Variants in SLIT3 observed in about 807,000 individuals in gnomAD.
The protein encoded by SLIT3 is slit guidance ligand 3.
SLIT3 carries 68 observed loss-of-function variants against 184.0 expected under a neutral mutation model. The ratio of observed to expected loss-of-function variants is 0.37; its 90% CI spans 0.30 to 0.45. The LOEUF (loss-of-function observed/expected upper bound fraction) is 0.45, where lower values mean the gene tolerates loss of function less well. SLIT3 is among the 20% of genes least tolerant of loss of function. The probability of loss-of-function intolerance (pLI) is 1.00; values close to 1 mark genes in which losing one functional copy is unlikely to be tolerated. For missense variants in SLIT3, 1,707 were observed against 2,026.0 expected (o/e 0.84, Z 3.02); for synonymous variants, 831 against 828.6 (o/e 1.00, Z -0.05).
chr5:169,135,970 C>G (rs1240046199), intron 4 of SLIT3, among the ~76,000 whole-genome samples: 1 of 152,226 alleles, frequency 6.6e-6, no homozygotes, highest in African/African-American at 2.4e-5. Flanking sequence ...GATCACTTCT[C>G]TATATCACGG....
chr5:168,946,161 G>C (rs527828451), intron 4 of SLIT3, among the ~76,000 whole-genome samples: 1 of 152,312 alleles, frequency 6.6e-6, no homozygotes, highest in East Asian at 1.9e-4. Context: ...ATTGGGACTT[G>C]TGTCTGTGCT....
At chr5:168,839,727 C>G (rs1369851450) in intron 6 of SLIT3, among the ~76,000 whole-genome samples, 1 of 152,122 alleles carries the variant, frequency 6.6e-6, no homozygotes, top group Non-Finnish European at 1.5e-5. Flanking sequence ...CTAAATAATA[C>G]CCAAAACTTA....
chr5:168,703,246 G>A (rs1212183624), intron 26 of SLIT3, among the ~76,000 whole-genome samples: 1 of 139,238 alleles, frequency 7.2e-6, no homozygotes, highest in Non-Finnish European at 1.5e-5. Flanking sequence ...GTGTGTGTGT[G>A]TGTGTGTGTG....
chr5:168,670,061 AC>A, intron 34 of SLIT3, 70 bp from the exon 35 acceptor site: 2 of 1,370,808 alleles, frequency 1.5e-6, no homozygotes, highest in East Asian at 2.3e-5. Context: ...CCCTCTGTCC[AC>A]CCAGCCAGGG....
intron 4 of SLIT3, among the ~76,000 whole-genome samples, chr5:169,139,811 C>A (rs1429409293): frequency 1.3e-5 from 2 of 152,196 alleles, no homozygotes; most frequent in Non-Finnish European, 2.9e-5. Flanking sequence ...CCCCTTCCAT[C>A]CCTGCCAAAA....
At chr5:169,284,780 TG>T (rs1767101394) in intron 1 of SLIT3, among the ~76,000 whole-genome samples, 1 of 152,244 alleles carries the variant, frequency 6.6e-6, no homozygotes, top group Non-Finnish European at 1.5e-5. Context: ...GTTAGAGCAT[TG>T]AATGTGTGTT....
intron 4 of SLIT3, among the ~76,000 whole-genome samples, chr5:169,072,037 A>C: frequency 6.6e-6 from 1 of 152,218 alleles, no homozygotes; most frequent in Non-Finnish European, 1.5e-5. Context: ...AAATAGCCAA[A>C]GCATCCTTTA....
intron 26 of SLIT3, among the ~76,000 whole-genome samples, chr5:168,703,908 G>A (rs1762295245): frequency 7.7e-6 from 1 of 129,134 alleles, no homozygotes; most frequent in Admixed American, 9.7e-5. Flanking sequence ...TTATGCCACT[G>A]CACTCCAGCC....
At chr5:168,736,157 G>A (rs2113412716) in intron 20 of SLIT3, among the ~76,000 whole-genome samples, 1 of 152,298 alleles carries the variant, frequency 6.6e-6, no homozygotes, top group East Asian at 1.9e-4. Context: ...GGTAGCCACT[G>A]TACCTTCAGC....
intron 4 of SLIT3, among the ~76,000 whole-genome samples, chr5:169,167,268 C>CTTTTTTT (rs11287374): frequency 2.4e-4 from 22 of 90,634 alleles, no homozygotes; most frequent in South Asian, 9.4e-4. Flanking sequence ...GTTCTAAGCA[C>CTTTTTTT]TTTTTTTTTT....
At chr5:169,294,629 C>T (rs1016277057) in intron 1 of SLIT3, among the ~76,000 whole-genome samples, 11 of 152,228 alleles carry the variant, frequency 7.2e-5, no homozygotes, top group Admixed American at 7.2e-4. Context: ...GCCATGGCCA[C>T]TAACATGAAT....
intron 23 of SLIT3, among the ~76,000 whole-genome samples, chr5:168,714,847 T>G (rs1209537639): frequency 6.6e-6 from 1 of 152,164 alleles, no homozygotes; most frequent in Admixed American, 6.5e-5. Flanking sequence ...CTTCAAGCAC[T>G]TGGAACTCCT....
At chr5:168,885,633 GCT>G (rs1760170481) in intron 4 of SLIT3, among the ~76,000 whole-genome samples, 1 of 152,196 alleles carries the variant, frequency 6.6e-6, no homozygotes, top group Non-Finnish European at 1.5e-5. Flanking sequence ...AGGATTGGCT[GCT>G]CTCTCTGGCG....
intron 23 of SLIT3, among the ~76,000 whole-genome samples, chr5:168,721,236 A>C (rs1762932311): frequency 6.6e-6 from 1 of 152,206 alleles, no homozygotes; most frequent in South Asian, 2.1e-4. Context: ...AATTCAAAGG[A>C]ATGTGCTAAT....
At chr5:169,113,083 T>A (rs1165366061) in intron 4 of SLIT3, among the ~76,000 whole-genome samples, 1 of 152,158 alleles carries the variant, frequency 6.6e-6, no homozygotes, top group Non-Finnish European at 1.5e-5. Flanking sequence ...AAATTTAACA[T>A]CTTAATGGCG....
intron 5 of SLIT3, among the ~76,000 whole-genome samples, chr5:168,878,861 C>T (rs1190707174): frequency 6.6e-6 from 1 of 151,978 alleles, no homozygotes; most frequent in African/African-American, 2.4e-5. Flanking sequence ...ATTATAAGTG[C>T]CTGCCACCAC....
At chr5:169,023,586 T>G (rs1055845628) in intron 4 of SLIT3, 3 of 151,136 alleles carry the variant, frequency 2.0e-5, no homozygotes, top group African/African-American at 7.3e-5. Flanking sequence ...TCATTCCTCT[T>G]GTATTTCTAC....
chr5:169,151,385 G>A (rs966205948), intron 4 of SLIT3, among the ~76,000 whole-genome samples: 2 of 152,068 alleles, frequency 1.3e-5, no homozygotes, highest in African/African-American at 2.4e-5. Flanking sequence ...GTACCACTGC[G>A]ACTGGGTTCT....
At chr5:168,853,464 G>A (rs952568694) in intron 5 of SLIT3, among the ~76,000 whole-genome samples, 4 of 152,140 alleles carry the variant, frequency 2.6e-5, no homozygotes, top group Non-Finnish European at 4.4e-5. Flanking sequence ...CATTCCGTAA[G>A]CTGTACACAA....
Sources: allele counts gnomAD v4.1 joint callset (sites outside exome capture counted in the v4.1 genomes callset), GRCh38; gene constraint gnomAD v4.1.1; transcripts MANE v1.5; gene names NCBI Gene and HGNC (gene_info 2026-07-23, HGNC 2026-07-21).